FLT3: variants seen among roughly 807,000 people sequenced by gnomAD.
FLT3 encodes the protein receptor-type tyrosine-protein kinase FLT3.
A neutral mutation model predicts 126.6 loss-of-function variants in FLT3; 46 were observed. The observed-to-expected ratio is 0.36, with a 90% CI of 0.29 to 0.46. The LOEUF (loss-of-function observed/expected upper bound fraction) is 0.46, where lower values mean the gene tolerates loss of function less well. Among genes scored for constraint, FLT3 ranks in the 20% least tolerant of loss-of-function variants. The probability of loss-of-function intolerance (pLI) is 1.00; values close to 1 mark genes in which losing one functional copy is unlikely to be tolerated. For synonymous variants in FLT3, 404 were observed against 434.4 expected (o/e 0.93, Z 0.87); for missense variants, 1,069 against 1,190.3 (o/e 0.90, Z 1.50).
Position 28,040,702 on chromosome 13 carries a change from A to G in FLT3, c.1206-3414T>C, listed in dbSNP as rs543573677. Among the ~76,000 whole-genome samples, 7 of 152,302 alleles carry G rather than the reference A, an allele frequency of 4.6e-5. No individual in the cohort carries two copies. In the South Asian group the frequency reaches 1.4e-3, roughly 32 times the overall value. On this transcript the variant is annotated intron_variant, in intron 9 of 23. Coordinates refer to ENST00000241453, the MANE Select transcript of FLT3 (RefSeq NM_004119.3). ...ACCTATCAAAAGTTTCAGGCAGTTAAAAGTTGACCTTTGGGTGCGTGCAGG... is the reference window on the plus strand; with the variant it reads ...ACCTATCAAAAGTTTCAGGCAGTTAGAAGTTGACCTTTGGGTGCGTGCAGG...
rs1375199761 is a variant in FLT3, at chr13:28,095,315, C to G, written c.43+5153G>C. Among the ~76,000 whole-genome samples the G allele has an allele frequency of 7.9e-5, 12 of 151,982 alleles. No individual in the cohort carries two copies. The East Asian group carries it at 2.3e-3, about 29-fold the overall frequency. On this transcript the variant is annotated intron_variant, in intron 1 of 23. Transcript: ENST00000241453. ...TTTTTGAGAAGGAGTCTCGCTCTGT[C>G]TCCAGGCTGGAATGCAGTGGCATGA...
At chr13:28,045,666 C>G (rs1006749753) in intron 9 of FLT3, among the ~76,000 whole-genome samples, 2 of 152,102 alleles carry the variant, frequency 1.3e-5, no homozygotes, top group East Asian at 3.9e-4. Context: ...TCGAGAACAG[C>G]CTGGCCAACA....
chr13:28,027,387 T>C (rs560319702), intron 16 of FLT3, 146 bp from the exon 17 acceptor site: 60 of 524,492 alleles, frequency 1.1e-4, no homozygotes, highest in Non-Finnish European at 1.7e-4. Flanking sequence ...TAGCTCTTCT[T>C]ATACTTTAAA....
chr13:28,012,998 A>G (rs9507977), intron 23 of FLT3, among the ~76,000 whole-genome samples: 72,836 of 151,758 alleles, frequency 0.48, 18,233 homozygotes, highest in Non-Finnish European at 0.53. Context: ...TTTCTTTACC[A>G]GCTCACTTCC....
In FLT3 at chr13:28,003,502, G is replaced by A. The variant is rs138434705; in HGVS notation, c.*550C>T. The A allele has an allele frequency of 1.1e-4, 27 of 235,880 alleles. No homozygotes were observed. The highest frequency in any genetic ancestry group is 8.8e-4 in the South Asian group (5 of 5,692). The allele number at this position is 235,880 out of a possible 1,614,324, so 14.6% of individuals were successfully genotyped here. On this transcript the variant is annotated 3_prime_UTR_variant, in exon 24 of 24. Coordinates refer to ENST00000241453, the MANE Select transcript of FLT3 (RefSeq NM_004119.3). Reference sequence around the variant, plus strand: ...CTTGTATCTTGGGGTAAAAGCACACGTGCTCTGGAAGGAATGTGTAGGTGG... The same window carrying A: ...CTTGTATCTTGGGGTAAAAGCACACATGCTCTGGAAGGAATGTGTAGGTGG...
At chr13:28,045,670 G>A (rs1290946610) in intron 9 of FLT3, among the ~76,000 whole-genome samples, 3 of 151,976 alleles carry the variant, frequency 2.0e-5, no homozygotes, top group African/African-American at 7.3e-5. Context: ...GAACAGCCTG[G>A]CCAACATGAA....
At chr13:28,016,872 G>C (rs1252052914) in intron 20 of FLT3, among the ~76,000 whole-genome samples, 1 of 152,170 alleles carries the variant, frequency 6.6e-6, no homozygotes, top group African/African-American at 2.4e-5. Context: ...TTTCTAGTGG[G>C]AATACAGTTT....
chr13:28,035,331 T>C (rs952168086), intron 12 of FLT3, among the ~76,000 whole-genome samples, 164 bp downstream of exon 12: 12 of 152,220 alleles, frequency 7.9e-5, no homozygotes, highest in South Asian at 2.1e-4. Context: ...CGCCCCAACC[T>C]GTGAAACAGT....
intron 2 of FLT3, among the ~76,000 whole-genome samples, chr13:28,064,150 C>T (rs896706940): frequency 6.6e-6 from 1 of 151,932 alleles, no homozygotes; most frequent in African/African-American, 2.4e-5. Context: ...AATATGCCAA[C>T]ATATATTACA....
In FLT3 at chr13:28,049,730, T is replaced by C. The variant is rs1875262219; in HGVS notation, c.787A>G (p.Lys263Glu). ...PQTTLPQLFLKVGEPLWIRCK... is the reference protein window; with the variant it reads ...PQTTLPQLFLEVGEPLWIRCK... ...CTTATCCATAAGGGTTCCCCTACTTTAAGAAATAATTGTGGCAATGTGGTC... is the reference window on the plus strand; with the variant it reads ...CTTATCCATAAGGGTTCCCCTACTTCAAGAAATAATTGTGGCAATGTGGTC... Residue 263 changes from lysine (K) to glutamate (E), a missense_variant, in exon 7 of 24, where the codon AAA becomes GAA. Lys to Glu is a moderately conservative substitution (Grantham distance 56, BLOSUM62 1). Transcript: ENST00000241453. The C allele has an allele frequency of 6.2e-7, 1 of 1,614,084 alleles. No homozygotes were observed. Among genetic ancestry groups the C allele is most frequent in the Non-Finnish European group, 8.5e-7 (1 of 1,179,990 alleles).
intron 2 of FLT3, among the ~76,000 whole-genome samples, chr13:28,068,724 G>A (rs1053638780): frequency 2.0e-5 from 3 of 151,954 alleles, no homozygotes; most frequent in African/African-American, 7.3e-5. Context: ...CACCACCATG[G>A]CTGGTTAATT....
chr13:28,081,776 C>A (rs898027673), intron 1 of FLT3, among the ~76,000 whole-genome samples: 3 of 133,244 alleles, frequency 2.3e-5, no homozygotes, highest in South Asian at 4.9e-4. Flanking sequence ...AAGATAAGTT[C>A]TTTTCTCTTC....
intron 4 of FLT3, among the ~76,000 whole-genome samples, chr13:28,054,157 T>C (rs1019313350): frequency 1.3e-5 from 2 of 152,192 alleles, no homozygotes; most frequent in Admixed American, 1.3e-4. Context: ...TTACACATAA[T>C]GATCATTTGT....
At position 28,024,843 on chromosome 13, in the gene FLT3, C is replaced by T. The variant is rs1200107917; in HGVS notation, c.2290+18G>A. Reference sequence around the variant, plus strand: ...TCATTTCCATTTTAAAGTGCTACTACTTAGAATAAAATATTACCTTCAGAG... The same window carrying T: ...TCATTTCCATTTTAAAGTGCTACTATTTAGAATAAAATATTACCTTCAGAG... On this transcript the variant is annotated intron_variant, in intron 18 of 23. Coordinates refer to ENST00000241453, the MANE Select transcript of FLT3 (RefSeq NM_004119.3). 1 of 1,511,804 alleles carries T rather than the reference C, an allele frequency of 6.6e-7. No homozygotes were observed. Among genetic ancestry groups the T allele is most frequent in the East Asian group, 2.3e-5 (1 of 44,242 alleles). 93.6% of individuals were successfully genotyped at this position (1,511,804 alleles called of 1,614,324 possible). A position where few individuals can be genotyped will look rare whatever the true frequency, so the allele number is the denominator to read the frequency against.
chr13:28,073,584 A>G (rs1877716431), intron 1 of FLT3, among the ~76,000 whole-genome samples: 1 of 152,100 alleles, frequency 6.6e-6, no homozygotes, highest in South Asian at 2.1e-4. Context: ...GTGCACATTA[A>G]AAGTATACAA....
chr13:28,078,543 CT>C (rs899329428), intron 1 of FLT3, among the ~76,000 whole-genome samples: 3 of 152,130 alleles, frequency 2.0e-5, no homozygotes, highest in Non-Finnish European at 4.4e-5. Flanking sequence ...CATGAAACCA[CT>C]TTTTTCTCCT....
chr13:28,060,074 A>T (rs1410646131), intron 3 of FLT3, among the ~76,000 whole-genome samples: 4 of 151,794 alleles, frequency 2.6e-5, no homozygotes, highest in Non-Finnish European at 4.4e-5. Context: ...TTAACATGAT[A>T]TCCAACTAAA....
In FLT3 at chr13:28,048,468, GAGTT is replaced by G. The variant is rs1875106749; in HGVS notation, c.1037-29_1037-26del. 2.1e-6 allele frequency: 3 copies of G among 1,443,316 alleles called. No individual in the cohort carries two copies. In the East Asian group the frequency reaches 6.8e-5, roughly 33 times the overall value. 89.4% of individuals were successfully genotyped at this position (1,443,316 alleles called of 1,614,324 possible). On this transcript the variant is annotated intron_variant, in intron 8 of 23. Coordinates refer to ENST00000241453, the MANE Select transcript of FLT3 (RefSeq NM_004119.3). The stretch of plus-strand genomic sequence containing the variant: ...TCTGTAAGAAAAAATAGGCATTTAT[GAGTT>G]AGTTAATAATATTCATAGGGAAACG...
Position 28,048,391 on chromosome 13 carries a change from T to C in FLT3, c.1089A>G (p.Gln363=), listed in dbSNP as rs748721938. Residue 363 remains glutamine, a synonymous_variant, in exon 9 of 24, where the codon CAA becomes CAG. Coordinates refer to ENST00000241453, the MANE Select transcript of FLT3 (RefSeq NM_004119.3). ...TGACAGAAAAACAAAACTCTTCATATTGGTCAATTTCATAATCTTCACTTG... is the reference window on the plus strand; with the variant it reads ...TGACAGAAAAACAAAACTCTTCATACTGGTCAATTTCATAATCTTCACTTG... ...TNSSEDYEID[Q]YEEFCFSVRF... 47 of 1,611,298 alleles carry C rather than the reference T, an allele frequency of 2.9e-5. No individual in the cohort carries two copies. The highest frequency in any genetic ancestry group is 3.9e-5 in the Non-Finnish European group (46 of 1,177,502).
Sources: allele counts gnomAD v4.1 joint callset (sites outside exome capture counted in the v4.1 genomes callset), GRCh38; gene constraint gnomAD v4.1.1; transcripts MANE v1.5; gene names NCBI Gene and HGNC (gene_info 2026-07-23, HGNC 2026-07-21).